Variants in SLC35F3 observed in about 807,000 individuals in gnomAD.
SLC35F3 encodes putative thiamine transporter SLC35F3.
A neutral mutation model predicts 49.9 loss-of-function variants in SLC35F3; 25 were observed. That is an observed-to-expected ratio of 0.50 (90% CI 0.37 to 0.70). The LOEUF (loss-of-function observed/expected upper bound fraction) is 0.70. Ranked by LOEUF, SLC35F3 falls within the 30% of genes least tolerant of loss-of-function variation. The pLI, the probability that SLC35F3 is intolerant of heterozygous loss-of-function variation, is 0.00. For synonymous variants in SLC35F3, 275 were observed against 265.4 expected (o/e 1.04, Z -0.35); for missense variants, 525 against 639.8 (o/e 0.82, Z 1.94).
intron 2 of SLC35F3, among the ~76,000 whole-genome samples, chr1:234,175,414 A>G (rs373041276): frequency 6.6e-4 from 100 of 152,278 alleles, no homozygotes; most frequent in African/African-American, 2.2e-3. Flanking sequence ...GATGAAGCAA[A>G]AGGAGGAGGT....
intron 2 of SLC35F3, among the ~76,000 whole-genome samples, chr1:233,972,998 A>C (rs983953392): frequency 6.6e-6 from 1 of 152,212 alleles, no homozygotes; most frequent in African/African-American, 2.4e-5. Context: ...GAGGAGCCCC[A>C]GGCTCATCAT....
At chr1:234,077,646 G>A (rs1338890986) in intron 2 of SLC35F3, among the ~76,000 whole-genome samples, 2 of 152,184 alleles carry the variant, frequency 1.3e-5, no homozygotes, top group African/African-American at 4.8e-5. Flanking sequence ...CATGCTGACT[G>A]GGAGGTTGGC....
intron 3 of SLC35F3, among the ~76,000 whole-genome samples, chr1:234,265,262 A>C (rs1323711203): frequency 6.6e-6 from 1 of 152,186 alleles, no homozygotes; most frequent in Non-Finnish European, 1.5e-5. Context: ...CCCCACCTTG[A>C]ATTACAGCAG....
rs528748654 is a variant in SLC35F3 at position 234,266,351 on chromosome 1, T to C, written c.608+34610T>C. ...AAATGCTCCACTTATTTAGTAGTCT[T>C]GGAACTCCAACTAAAACTAACAGTT... is the stretch of plus-strand genomic sequence containing the variant. On this transcript the variant is annotated intron_variant, in intron 3 of 7. Transcript: ENST00000366618. Among the ~76,000 whole-genome samples the C allele has an allele frequency of 2.2e-3, 339 of 152,358 alleles. 1 individual carries two copies. Among genetic ancestry groups the C allele is most frequent in the African/African-American group, 7.7e-3 (321 of 41,576 alleles).
chr1:234,041,585 G>A (rs2102853343), intron 2 of SLC35F3, among the ~76,000 whole-genome samples: 1 of 152,098 alleles, frequency 6.6e-6, no homozygotes, highest in Non-Finnish European at 1.5e-5. Flanking sequence ...ACACACACCT[G>A]TGGCAGACTT....
intron 2 of SLC35F3, among the ~76,000 whole-genome samples, chr1:234,068,823 T>TTTTTTATATA (rs1553302354): frequency 2.8e-5 from 2 of 71,154 alleles, no homozygotes; most frequent in African/African-American, 1.2e-4. Context: ...ATTTGAGACA[T>TTTTTTATATA]TATATATATA....
intron 2 of SLC35F3, among the ~76,000 whole-genome samples, chr1:234,047,712 C>G (rs1323490997): frequency 6.7e-6 from 1 of 148,680 alleles, no homozygotes; most frequent in Non-Finnish European, 1.5e-5. Flanking sequence ...CACACACACA[C>G]AGGATCTGTT....
intron 2 of SLC35F3, among the ~76,000 whole-genome samples, chr1:233,972,377 G>A (rs1044921848): frequency 1.3e-5 from 2 of 152,182 alleles, no homozygotes; most frequent in Admixed American, 6.5e-5. Context: ...AGCTCTTTAT[G>A]TTTTATATAT....
chr1:234,281,022 C>A (rs12047723), intron 3 of SLC35F3, among the ~76,000 whole-genome samples: 1 of 152,108 alleles, frequency 6.6e-6, no homozygotes, highest in Non-Finnish European at 1.5e-5. Flanking sequence ...GGGAGTCAGC[C>A]AAGGGCATGC....
chr1:234,278,905 CAT>C lies in SLC35F3; in HGVS notation c.609-30193_609-30192del, dbSNP rs370058156. ...CATCACACTGGGGGTTAGGATTCAA[CAT>C]ATGAATTTTGGCGGTGTGAACCCTG... On this transcript the variant is annotated intron_variant, in intron 3 of 7. Transcript: ENST00000366618. Among the ~76,000 whole-genome samples the C allele has an allele frequency of 2.8e-3, 429 of 152,268 alleles. 2 individuals are homozygous for C. Among genetic ancestry groups the C allele is most frequent in the African/African-American group, 9.8e-3 (408 of 41,554 alleles).
intron 3 of SLC35F3, among the ~76,000 whole-genome samples, chr1:234,307,472 C>A (rs1558105895): frequency 6.6e-6 from 1 of 152,152 alleles, no homozygotes; most frequent in African/African-American, 2.4e-5. Context: ...GAGTCATGAA[C>A]AAAGACAGAT....
At chr1:234,180,127 G>A (rs918788673) in intron 2 of SLC35F3, among the ~76,000 whole-genome samples, 4 of 152,214 alleles carry the variant, frequency 2.6e-5, no homozygotes, top group African/African-American at 9.7e-5. Flanking sequence ...ATGACAGTCT[G>A]TGGCTCCAGT....
intron 3 of SLC35F3, among the ~76,000 whole-genome samples, chr1:234,243,757 T>A (rs1015307254): frequency 6.6e-5 from 10 of 152,222 alleles, no homozygotes; most frequent in Non-Finnish European, 1.0e-4. Context: ...CCAAGATCCC[T>A]GCTCCTGCTA....
Position 234,244,473 on chromosome 1 carries a change from G to T in SLC35F3, c.608+12732G>T, listed in dbSNP as rs565468951. 5.3e-5 allele frequency among the ~76,000 whole-genome samples: 8 copies of T among 152,266 alleles called. No homozygotes were observed. In the South Asian group the frequency reaches 1.7e-3, roughly 32 times the overall value. On this transcript the variant is annotated intron_variant, in intron 3 of 7. Coordinates refer to ENST00000366618, the MANE Select transcript of SLC35F3 (RefSeq NM_173508.4). ...TGCTAAGATCAGCTCTCGGCAGGCA[G>T]TCTCCAAGGAGCAATGCAGGAATCA...
intron 2 of SLC35F3, among the ~76,000 whole-genome samples, chr1:233,971,099 T>G (rs1662984202): frequency 6.6e-6 from 1 of 152,218 alleles, no homozygotes; most frequent in Admixed American, 6.5e-5. Context: ...ACAGGCACCA[T>G]GAGCCAATGT....
chr1:233,925,648 G>T (rs1013327793), intron 2 of SLC35F3, among the ~76,000 whole-genome samples: 2 of 152,080 alleles, frequency 1.3e-5, no homozygotes, highest in African/African-American at 4.8e-5. Context: ...GGTTAATATT[G>T]TTATGTGTGA....
chr1:234,073,340 C>T (rs1664746605), intron 2 of SLC35F3, among the ~76,000 whole-genome samples: 1 of 152,000 alleles, frequency 6.6e-6, no homozygotes, highest in Non-Finnish European at 1.5e-5. Context: ...GAGATGGGAT[C>T]GCACTGTGTT....
Position 234,179,422 on chromosome 1 carries a change from G to A in SLC35F3, c.284-51995G>A, listed in dbSNP as rs564024336. ...CGGCTCTAAAAACATTTTCTTAGTTGACAAATAGTAATTGTATGTATTCGT... is the reference window on the plus strand; with the variant it reads ...CGGCTCTAAAAACATTTTCTTAGTTAACAAATAGTAATTGTATGTATTCGT... On this transcript the variant is annotated intron_variant, in intron 2 of 7. Transcript: ENST00000366618. Among the ~76,000 whole-genome samples, 8 of 152,184 alleles carry A rather than the reference G, an allele frequency of 5.3e-5. No individual in the cohort carries two copies. The South Asian group carries it at 1.7e-3, about 32-fold the overall frequency.
At chr1:233,983,679 A>T (rs1663221224) in intron 2 of SLC35F3, among the ~76,000 whole-genome samples, 1 of 152,210 alleles carries the variant, frequency 6.6e-6, no homozygotes, top group African/African-American at 2.4e-5. Flanking sequence ...TCCTTTGGAA[A>T]CCACTTCATC....
Sources: allele counts gnomAD v4.1 joint callset (sites outside exome capture counted in the v4.1 genomes callset), GRCh38; gene constraint gnomAD v4.1.1; transcripts MANE v1.5; gene names NCBI Gene and HGNC (gene_info 2026-07-23, HGNC 2026-07-21).